INVS: variants seen among roughly 807,000 people sequenced by gnomAD.
INVS encodes the protein inversin, also known as inversion of embryo turning homolog.
Under a neutral mutation model 108.8 loss-of-function variants are expected in INVS, and 86 were observed. That is an observed-to-expected ratio of 0.79 (90% CI 0.66 to 0.95). The LOEUF is 0.95. Ranked by LOEUF, INVS falls within the 40% of genes least tolerant of loss-of-function variation. INVS has a pLI of 0.00. For synonymous variants in INVS, 455 were observed against 473.5 expected (o/e 0.96, Z 0.51); for missense variants, 1,169 against 1,297.4 (o/e 0.90, Z 1.52).
chr9:100,255,123 G>C (rs918467933), intron 10 of INVS, among the ~76,000 whole-genome samples: 4 of 152,080 alleles, frequency 2.6e-5, no homozygotes, highest in African/African-American at 9.7e-5. Flanking sequence ...TCCTTGAAGA[G>C]GTCCTTCACA....
chr9:100,282,112 TA>T (rs2118714550), intron 12 of INVS, among the ~76,000 whole-genome samples: 1 of 152,170 alleles, frequency 6.6e-6, no homozygotes, highest in East Asian at 1.9e-4. Context: ...TCGGTGCTGA[TA>T]AAAAGCTCAG....
At chr9:100,290,089 T>C (rs1833566743) in intron 13 of INVS, among the ~76,000 whole-genome samples, 1 of 151,842 alleles carries the variant, frequency 6.6e-6, no homozygotes, top group African/African-American at 2.4e-5. Context: ...AGTTTTAGTT[T>C]TTTTTTTGGC....
chr9:100,251,049 C>G (rs569496422), intron 8 of INVS, among the ~76,000 whole-genome samples: 1 of 152,296 alleles, frequency 6.6e-6, no homozygotes, highest in South Asian at 2.1e-4. Flanking sequence ...AGCTCATAAC[C>G]ACCAATCAAA....
rs559586184 is a variant in INVS, at chr9:100,237,563, G to A, written c.616-2497G>A. Among the ~76,000 whole-genome samples, 6 of 152,218 alleles carry A rather than the reference G, an allele frequency of 3.9e-5. No homozygotes were observed. The South Asian group carries it at 6.2e-4, about 16-fold the overall frequency. ...AAGTGTAGTATCTGGGCCAGATACC[G>A]TCCCTGCCGGCACTGTGCATCACGG... On this transcript the variant is annotated intron_variant, in intron 5 of 16. Transcript: ENST00000262457.
chr9:100,106,157 C>T (rs1192341962), intron 2 of INVS, among the ~76,000 whole-genome samples: 4 of 152,088 alleles, frequency 2.6e-5, no homozygotes, highest in Non-Finnish European at 5.9e-5. Flanking sequence ...AGTAGGAACT[C>T]CCTCATCTTT....
At chr9:100,115,215 G>C (rs1564118741) in intron 2 of INVS, among the ~76,000 whole-genome samples, 1 of 151,968 alleles carries the variant, frequency 6.6e-6, no homozygotes, top group Non-Finnish European at 1.5e-5. Context: ...GATGTTGAGA[G>C]TCTTTTCATA....
intron 5 of INVS, among the ~76,000 whole-genome samples, chr9:100,239,742 T>G (rs1831805610): frequency 6.6e-6 from 1 of 151,974 alleles, no homozygotes; most frequent in Non-Finnish European, 1.5e-5. Flanking sequence ...GAGGCTGAGG[T>G]AGGAGAATTG....
chr9:100,127,119 C>A (rs887863778), intron 3 of INVS, among the ~76,000 whole-genome samples: 2 of 152,124 alleles, frequency 1.3e-5, no homozygotes, highest in African/African-American at 4.8e-5. Context: ...TCACTTGAGC[C>A]TGGGAGGTTG....
chr9:100,232,363 C>G (rs1234744585), intron 5 of INVS, among the ~76,000 whole-genome samples: 2 of 152,058 alleles, frequency 1.3e-5, no homozygotes, highest in Admixed American at 1.3e-4. Context: ...TTCATTAGAT[C>G]CCATTTGTCC....
chr9:100,142,062 CAGCGTA>C (rs1828450078), intron 3 of INVS, among the ~76,000 whole-genome samples: 2 of 152,170 alleles, frequency 1.3e-5, no homozygotes. Context: ...GCCACCTAAT[CAGCGTA>C]AGCGTCGCCT....
chr9:100,208,031 T>TG (rs147857653), intron 3 of INVS, among the ~76,000 whole-genome samples: 2,077 of 152,282 alleles, frequency 0.014, 36 homozygotes, highest in African/African-American at 0.048. Flanking sequence ...AACTACAGAT[T>TG]GACACAACTA....
intron 3 of INVS, among the ~76,000 whole-genome samples, chr9:100,181,717 T>A (rs1221376860): frequency 1.3e-5 from 2 of 152,144 alleles, no homozygotes; most frequent in African/African-American, 4.8e-5. Flanking sequence ...TTCAGTGCTA[T>A]CCCCATCAAG....
At chr9:100,231,459 C>T (rs554369993) in intron 5 of INVS, among the ~76,000 whole-genome samples, 188 of 152,162 alleles carry the variant, frequency 1.2e-3, no homozygotes, top group Admixed American at 2.6e-3. Context: ...CTGCACCCAT[C>T]AACCTGTCAT....
intron 7 of INVS, among the ~76,000 whole-genome samples, chr9:100,246,010 C>T (rs1195128816): frequency 2.0e-5 from 3 of 151,782 alleles, no homozygotes; most frequent in Non-Finnish European, 2.9e-5. Context: ...ACTAATAATA[C>T]AAAAATTAGC....
chr9:100,099,428 G>A lies in INVS; in HGVS notation c.-25+12G>A, dbSNP rs1826742212. 6.5e-6 allele frequency: 1 copy of A among 153,154 alleles called. No homozygotes were observed. Among genetic ancestry groups the A allele is most frequent in the Non-Finnish European group, 1.5e-5 (1 of 68,530 alleles). The allele number at this position is 153,154 out of a possible 1,614,324, so 9.5% of individuals were successfully genotyped here. A position where few individuals can be genotyped will look rare whatever the true frequency, so the allele number is the denominator to read the frequency against. On this transcript the variant is annotated intron_variant, in intron 1 of 16. Coordinates refer to ENST00000262457, the MANE Select transcript of INVS (RefSeq NM_014425.5). ...TGGAGGAGGCGAGGGTGAGTAGGAG[G>A]GGGCCTGGCTGGGGAGGCTCAGATC...
chr9:100,133,796 C>CACACACACAT (rs1447163891), intron 3 of INVS, among the ~76,000 whole-genome samples: 1 of 138,368 alleles, frequency 7.2e-6, no homozygotes, highest in South Asian at 2.1e-4. Flanking sequence ...CACACACACA[C>CACACACACAT]ACACACACAT....
At chr9:100,100,883 A>C (rs1427922038) in intron 1 of INVS, among the ~76,000 whole-genome samples, 1 of 60,514 alleles carries the variant, frequency 1.7e-5, no homozygotes, top group East Asian at 4.2e-4. Context: ...ATATATGTAT[A>C]TATAATATAT....
intron 3 of INVS, among the ~76,000 whole-genome samples, chr9:100,127,406 A>G (rs1421406837): frequency 6.6e-6 from 1 of 152,288 alleles, no homozygotes; most frequent in East Asian, 1.9e-4. Context: ...TCAAACAGAT[A>G]AAATAGGAAG....
chr9:100,255,259 G>A (rs1450024930), intron 10 of INVS, among the ~76,000 whole-genome samples: 1 of 152,200 alleles, frequency 6.6e-6, no homozygotes, highest in Non-Finnish European at 1.5e-5. Flanking sequence ...TTTGTACATT[G>A]ATTTTGTATC....
Sources: allele counts gnomAD v4.1 joint callset (sites outside exome capture counted in the v4.1 genomes callset), GRCh38; gene constraint gnomAD v4.1.1; transcripts MANE v1.5; gene names NCBI Gene and HGNC (gene_info 2026-07-23, HGNC 2026-07-21).